The following EXOC4 variants were observed in gnomAD, a reference collection of about 807,000 sequenced individuals.
EXOC4 encodes SEC8-like 1.
Under a neutral mutation model 107.2 loss-of-function variants are expected in EXOC4, and 71 were observed. The ratio of observed to expected loss-of-function variants is 0.66; its 90% CI spans 0.55 to 0.81. EXOC4 has a LOEUF of 0.81. EXOC4 is among the 30% of genes least tolerant of loss of function. The probability of loss-of-function intolerance (pLI) is 0.00; values close to 1 mark genes in which losing one functional copy is unlikely to be tolerated. For synonymous variants in EXOC4, 456 were observed against 441.2 expected (o/e 1.03, Z -0.42); for missense variants, 1,108 against 1,189.6 (o/e 0.93, Z 1.01).
At chr7:134,083,161 T>A in the EXOC4 span, among the ~76,000 whole-genome samples, 1 of 152,200 alleles carries the variant, frequency 6.6e-6, no homozygotes, top group Admixed American at 6.5e-5. Flanking sequence ...GATTTGCTAT[T>A]CACCAAGAGG....
intron 14 of EXOC4, among the ~76,000 whole-genome samples, chr7:133,963,960 A>G (rs1801004905): frequency 6.6e-6 from 1 of 152,230 alleles, no homozygotes; most frequent in South Asian, 2.1e-4. Flanking sequence ...GGAGTAGTTC[A>G]TCTTGAAAGG....
intron 10 of EXOC4, among the ~76,000 whole-genome samples, chr7:133,686,534 T>G (rs989083191): frequency 3.7e-4 from 56 of 152,088 alleles, no homozygotes; most frequent in African/African-American, 1.3e-3. Context: ...CCCAAAAAAG[T>G]ATCTAAGAAT....
At chr7:133,671,311 C>G (rs1227515499) in intron 10 of EXOC4, among the ~76,000 whole-genome samples, 2 of 152,138 alleles carry the variant, frequency 1.3e-5, no homozygotes, top group African/African-American at 4.8e-5. Flanking sequence ...TGTCTGTAAT[C>G]ACAGCACTTT....
At chr7:133,836,684 T>C (rs971177441) in intron 11 of EXOC4, among the ~76,000 whole-genome samples, 7 of 152,142 alleles carry the variant, frequency 4.6e-5, no homozygotes, top group African/African-American at 9.7e-5. Context: ...TGTTTTTTTT[T>C]CCCCTTGCTG....
chr7:133,668,128 T>C (rs1188290755), intron 10 of EXOC4, among the ~76,000 whole-genome samples: 1 of 152,208 alleles, frequency 6.6e-6, no homozygotes, highest in Non-Finnish European at 1.5e-5. Context: ...AAGCACTGTA[T>C]GGTTTATATT....
At chr7:133,733,050 G>T in intron 10 of EXOC4, 1 of 188,526 alleles carries the variant, frequency 5.3e-6, no homozygotes, top group South Asian at 1.1e-4. Flanking sequence ...AATGCAACTT[G>T]ACTGCAGATC....
intron 10 of EXOC4, among the ~76,000 whole-genome samples, chr7:133,671,882 G>A (rs898813597): frequency 3.3e-5 from 5 of 152,180 alleles, no homozygotes; most frequent in African/African-American, 4.8e-5. Flanking sequence ...GAGTAAGATC[G>A]TGAGTTTGGT....
chr7:133,314,779 T>C (rs1025664389), intron 4 of EXOC4, among the ~76,000 whole-genome samples: 2 of 152,220 alleles, frequency 1.3e-5, no homozygotes, highest in Non-Finnish European at 2.9e-5. Flanking sequence ...TGCTGATTGA[T>C]ACCTTAATTT....
At chr7:134,035,021 T>G (rs2346447) in intron 17 of EXOC4, among the ~76,000 whole-genome samples, 149,598 of 149,814 alleles carry the variant, frequency 1, 74,691 homozygotes, top group Middle Eastern at 1. Context: ...GATAAAAAGG[T>G]TTTTTTTCTT....
At chr7:134,007,565 C>A in intron 16 of EXOC4, 111 bp from the exon 17 acceptor site, 1 of 979,130 alleles carries the variant, frequency 1.0e-6, no homozygotes, top group South Asian at 2.8e-5. Context: ...TTTCTTTGGT[C>A]GTTTAAATGT....
At chr7:133,520,848 G>A (rs1799965395) in intron 9 of EXOC4, among the ~76,000 whole-genome samples, 1 of 151,986 alleles carries the variant, frequency 6.6e-6, no homozygotes, top group Non-Finnish European at 1.5e-5. Flanking sequence ...AAAGAGTGAA[G>A]TTTTTGAGTT....
At chr7:133,416,720 G>A (rs545293881) in intron 7 of EXOC4, among the ~76,000 whole-genome samples, 14 of 152,204 alleles carry the variant, frequency 9.2e-5, no homozygotes, top group Admixed American at 2.0e-4. Context: ...TGAGGAAAAC[G>A]TTTCAGAACA....
the EXOC4 span, among the ~76,000 whole-genome samples, chr7:134,092,289 A>G: frequency 6.6e-6 from 1 of 152,194 alleles, no homozygotes; most frequent in African/African-American, 2.4e-5. Context: ...CAATTAAAAA[A>G]ATTTAAAGAA....
At chr7:133,477,795 A>G (rs1691419163) in intron 8 of EXOC4, among the ~76,000 whole-genome samples, 1 of 152,248 alleles carries the variant, frequency 6.6e-6, no homozygotes, top group African/African-American at 2.4e-5. Context: ...TTATCAGTTT[A>G]TTAATCATTT....
In EXOC4 at chr7:133,521,714, G is replaced by A. The variant is rs747654164; in HGVS notation, c.1417+41576G>A. ...GGCTCACTGCAACCTCTGCCTCCTG[G>A]GCTCAAGCAATTCTCCTGCCTCAGC... On this transcript the variant is annotated intron_variant, in intron 9 of 17. Coordinates refer to ENST00000253861, the MANE Select transcript of EXOC4 (RefSeq NM_021807.4). 4.3e-4 allele frequency among the ~76,000 whole-genome samples: 66 copies of A among 152,118 alleles called. 4 individuals are homozygous for A. Among genetic ancestry groups the A allele is most frequent in the Middle Eastern group, 3.4e-3 (1 of 294 alleles).
At chr7:133,711,171 A>G (rs563549918) in intron 10 of EXOC4, among the ~76,000 whole-genome samples, 22 of 152,378 alleles carry the variant, frequency 1.4e-4, no homozygotes, top group Admixed American at 7.8e-4. Context: ...CAAATGCTCA[A>G]TTATTCACCC....
Position 133,737,709 on chromosome 7 carries a change from G to T in EXOC4, c.1515-79616G>T, listed in dbSNP as rs140167824. Among the ~76,000 whole-genome samples the T allele has an allele frequency of 5.9e-5, 9 of 152,124 alleles. 1 individual carries two copies. In the East Asian group the frequency reaches 1.7e-3, roughly 29 times the overall value. ...CCTTCAAACTATACATGACACAGAA[G>T]AGGTTTTTCAGGTTTGTTTTGTTTT... On this transcript the variant is annotated intron_variant, in intron 10 of 17. Transcript: ENST00000253861.
rs372450582 is a variant in EXOC4, at chr7:133,604,709, TC to T, written c.1418-25335del. 7.4e-3 allele frequency among the ~76,000 whole-genome samples: 776 copies of T among 105,218 alleles called. 11 individuals are homozygous for T. Among genetic ancestry groups the T allele is most frequent in the African/African-American group, 0.012 (289 of 23,894 alleles). The allele number at this position is 105,218 out of a possible 152,430, so 69.0% of individuals were successfully genotyped here. Reference sequence around the variant, plus strand: ...TTCTTTCCTTCCTTCCTTCCTTCTTTCTTTTTTTTTTTTTTTTTTTTTTTTT... The same window carrying T: ...TTCTTTCCTTCCTTCCTTCCTTCTTTTTTTTTTTTTTTTTTTTTTTTTTTT... On this transcript the variant is annotated intron_variant, in intron 9 of 17. Transcript: ENST00000253861.
chr7:133,941,821 T>TTCTCTCTCTC (rs67720946), intron 14 of EXOC4, among the ~76,000 whole-genome samples: 1,686 of 129,550 alleles, frequency 0.013, 55 homozygotes, highest in Admixed American at 0.018. Flanking sequence ...TGCTTACAGA[T>TTCTCTCTCTC]TCTCTCTCTC....
Sources: gnomAD v4.1 joint callset for allele counts (sites outside exome capture counted in the v4.1 genomes callset) on GRCh38, gnomAD v4.1.1 for gene constraint, MANE v1.5 for transcripts, NCBI Gene and HGNC (gene_info 2026-07-23, HGNC 2026-07-21) for gene names.